Variants in PCCA observed in about 807,000 individuals in gnomAD.
The protein encoded by PCCA is propionyl-CoA carboxylase subunit alpha, also known as propionyl-CoA carboxylase alpha chain, mitochondrial.
Under a neutral mutation model 101.3 loss-of-function variants are expected in PCCA, and 74 were observed. The observed-to-expected ratio is 0.73, with a 90% CI of 0.61 to 0.89. The LOEUF is 0.89. Ranked by LOEUF, PCCA falls within the 40% of genes least tolerant of loss-of-function variation. PCCA has a pLI of 0.00. For synonymous variants in PCCA, 294 were observed against 313.6 expected, an observed-to-expected ratio of 0.94 and a Z score of 0.66; for missense variants, 891 against 907.0, an observed-to-expected ratio of 0.98 and a Z score of 0.23.
chr13:100,100,119 A>C (rs1413846241), intron 1 of PCCA, among the ~76,000 whole-genome samples: 2 of 152,174 alleles, frequency 1.3e-5, no homozygotes, highest in Admixed American at 6.5e-5. Flanking sequence ...CTCCCTAGGA[A>C]ATCAGGGAGG....
intron 23 of PCCA, among the ~76,000 whole-genome samples, chr13:100,529,664 T>C (rs1373870851): frequency 2.0e-5 from 3 of 152,092 alleles, no homozygotes; most frequent in African/African-American, 7.2e-5. Context: ...GTCGTGTGTT[T>C]TGTTCCTTTT....
chr13:100,463,871 AT>A (rs1323813838), intron 21 of PCCA, among the ~76,000 whole-genome samples: 1 of 152,228 alleles, frequency 6.6e-6, no homozygotes, highest in Non-Finnish European at 1.5e-5. Flanking sequence ...AAGCCAGTTC[AT>A]TGTAACCTCA....
At chr13:100,307,921 C>T (rs766290796) in intron 15 of PCCA, among the ~76,000 whole-genome samples, 10 of 152,170 alleles carry the variant, frequency 6.6e-5, no homozygotes, top group Admixed American at 4.6e-4. Flanking sequence ...TGCAGTGGCA[C>T]GATCTTGGCT....
chr13:100,406,406 G>A (rs767979206), intron 19 of PCCA, among the ~76,000 whole-genome samples: 6 of 152,106 alleles, frequency 3.9e-5, no homozygotes, highest in East Asian at 1.9e-4. Flanking sequence ...ATTAAAGTCC[G>A]TAAACAGTTC....
intron 9 of PCCA, among the ~76,000 whole-genome samples, chr13:100,259,501 A>G (rs1159136138): frequency 6.6e-6 from 1 of 151,474 alleles, no homozygotes; most frequent in Non-Finnish European, 1.5e-5. Context: ...CACCCAGCTA[A>G]TTTTTGTATT....
chr13:100,192,052 C>A (rs949433782), intron 6 of PCCA, among the ~76,000 whole-genome samples: 1 of 152,126 alleles, frequency 6.6e-6, no homozygotes, highest in Non-Finnish European at 1.5e-5. Context: ...AAGCAATTCT[C>A]TGAAGCAAAG....
intron 4 of PCCA, among the ~76,000 whole-genome samples, chr13:100,130,222 G>A (rs1396898029): frequency 6.6e-6 from 1 of 152,218 alleles, no homozygotes; most frequent in Non-Finnish European, 1.5e-5. Context: ...TGGCACTCTG[G>A]CTATAGCCAG....
chr13:100,418,304 T>C (rs1595828053), intron 19 of PCCA, among the ~76,000 whole-genome samples: 1 of 152,312 alleles, frequency 6.6e-6, no homozygotes, highest in African/African-American at 2.4e-5. Flanking sequence ...ATGCGTCTGC[T>C]GGTCAGGGCC....
At chr13:100,388,272 C>T (rs1025215697) in intron 19 of PCCA, among the ~76,000 whole-genome samples, 1 of 151,968 alleles carries the variant, frequency 6.6e-6, no homozygotes, top group African/African-American at 2.4e-5. Context: ...AGTTGGAGAC[C>T]AGCCTGGGCA....
chr13:100,137,813 T>A (rs1050486268), intron 4 of PCCA, among the ~76,000 whole-genome samples: 3 of 151,704 alleles, frequency 2.0e-5, no homozygotes, highest in Non-Finnish European at 4.4e-5. Flanking sequence ...TCTTTTTTTT[T>A]TTTTTATTTT....
intron 16 of PCCA, among the ~76,000 whole-genome samples, chr13:100,311,316 A>T (rs1049328040): frequency 6.6e-6 from 1 of 152,146 alleles, no homozygotes; most frequent in African/African-American, 2.4e-5. Context: ...CATACTCCAC[A>T]TTTGAAAAAT....
intron 4 of PCCA, among the ~76,000 whole-genome samples, chr13:100,121,090 T>G (rs1171461233): frequency 2.6e-5 from 4 of 152,054 alleles, no homozygotes; most frequent in Admixed American, 6.6e-5. Flanking sequence ...ATAATGATTT[T>G]GATTCCTGTA....
intron 21 of PCCA, among the ~76,000 whole-genome samples, chr13:100,471,934 A>G (rs1055192385): frequency 1.3e-5 from 2 of 152,174 alleles, no homozygotes; most frequent in Non-Finnish European, 1.5e-5. Flanking sequence ...AGCAGAGTCC[A>G]GGTTCTTGTC....
In PCCA at chr13:100,431,822, C is replaced by T. The variant is rs568216395; in HGVS notation, c.1845+6091C>T. Among the ~76,000 whole-genome samples, 84 of 151,818 alleles carry T rather than the reference C, an allele frequency of 5.5e-4. 1 individual carries two copies. Among genetic ancestry groups the T allele is most frequent in the African/African-American group, 1.8e-3 (74 of 41,370 alleles). On this transcript the variant is annotated intron_variant, in intron 20 of 23. Coordinates refer to ENST00000376285, the MANE Select transcript of PCCA (RefSeq NM_000282.4). ...CAGAACTTGCAGTGAGCTGAGATCG[C>T]GCCACTGCACTCCAGCCTGGGTGAC...
intron 21 of PCCA, among the ~76,000 whole-genome samples, chr13:100,513,563 A>G (rs578066904): frequency 7.3e-4 from 111 of 152,382 alleles, no homozygotes; most frequent in Non-Finnish European, 1.3e-3. Flanking sequence ...CTGGGGAGAA[A>G]TGAAGCTAAA....
At chr13:100,423,622 A>ATT (rs2078964489) in intron 19 of PCCA, among the ~76,000 whole-genome samples, 1 of 151,758 alleles carries the variant, frequency 6.6e-6, no homozygotes, top group African/African-American at 2.4e-5. Flanking sequence ...AGATGATGAA[A>ATT]TGTAGTGTAT....
intron 21 of PCCA, among the ~76,000 whole-genome samples, chr13:100,488,085 T>TTTTATTTA (rs1014686207): frequency 2.6e-5 from 4 of 151,790 alleles, no homozygotes; most frequent in African/African-American, 9.7e-5. Context: ...CCTCTGTGCT[T>TTTTATTTA]TTTATTTATT....
intron 12 of PCCA, among the ~76,000 whole-genome samples, chr13:100,276,004 G>A (rs557909263): frequency 6.6e-6 from 1 of 151,904 alleles, no homozygotes; most frequent in African/African-American, 2.4e-5. Flanking sequence ...TCTTTTAGAG[G>A]TTTACTTGGG....
At chr13:100,110,351 G>A (rs557404169) in intron 2 of PCCA, among the ~76,000 whole-genome samples, 9 of 152,260 alleles carry the variant, frequency 5.9e-5, no homozygotes, top group African/African-American at 2.2e-4. Context: ...CGATTAGCTT[G>A]TACAATTTTA....
Sources: allele counts gnomAD v4.1 joint callset (sites outside exome capture counted in the v4.1 genomes callset), GRCh38; gene constraint gnomAD v4.1.1; transcripts MANE v1.5; gene names NCBI Gene and HGNC (gene_info 2026-07-23, HGNC 2026-07-21).